Variants in ESCO2 observed in about 807,000 individuals in gnomAD.
ESCO2 encodes N-acetyltransferase ESCO2.
ESCO2 carries 51 observed loss-of-function variants against 61.7 expected under a neutral mutation model. The observed-to-expected ratio is 0.83, with a 90% CI of 0.66 to 1.04. The LOEUF is 1.04. Ranked by LOEUF, ESCO2 falls within the 50% of genes least tolerant of loss-of-function variation. The pLI, the probability that ESCO2 is intolerant of heterozygous loss-of-function variation, is 0.00. For missense variants in ESCO2, 692 were observed against 686.2 expected (o/e 1.01, Z -0.09); for synonymous variants, 230 against 238.2 (o/e 0.97, Z 0.32).
intron 10 of ESCO2, among the ~76,000 whole-genome samples, chr8:27,802,232 C>A (rs192055911): frequency 1.2e-4 from 18 of 150,856 alleles, no homozygotes; most frequent in Non-Finnish European, 2.1e-4. Context: ...TAAGCAAGAT[C>A]AAGGAGAGTT....
At chr8:27,791,811 C>A in intron 7 of ESCO2, 152 bp from the exon 8 acceptor site, 2 of 710,172 alleles carry the variant, frequency 2.8e-6, no homozygotes, top group Non-Finnish European at 4.8e-6. Context: ...TCTTTTATTT[C>A]TCTTCCCACA....
At position 27,776,459 on chromosome 8, in the gene ESCO2, C is replaced by G; in HGVS notation, c.151C>G (p.Gln51Glu). The change falls in exon 3 of 11, where the codon CAA becomes GAA. Residue 51 changes from glutamine (Q) to glutamate (E), a missense_variant. Physicochemically the swap from Gln to Glu is conservative, Grantham distance 29. Coordinates refer to ENST00000305188, the MANE Select transcript of ESCO2 (RefSeq NM_001017420.3). ...AAATGAAGAAAACCTGCATTGCTCT[C>G]AACAAGAGCATTTTGTTTTAAGTGC... ...DKNEENLHCS[Q>E]QEHFVLSALK... The G allele has an allele frequency of 1.2e-6, 2 of 1,611,404 alleles. No homozygotes were observed. Among genetic ancestry groups the G allele is most frequent in the South Asian group, 1.1e-5 (1 of 90,138 alleles).
the ESCO2 span, among the ~76,000 whole-genome samples, chr8:27,817,738 C>A: frequency 1.3e-5 from 2 of 152,022 alleles, no homozygotes; most frequent in Admixed American, 6.6e-5. Context: ...AAAGGTTTTT[C>A]TTATTTTAAA....
downstream of ESCO2, chr8:27,808,265 T>G: frequency 8.5e-7 from 1 of 1,170,030 alleles, no homozygotes; most frequent in Non-Finnish European, 1.1e-6. Flanking sequence ...TAGCTGCTGA[T>G]TATCTCCTTT....
At chr8:27,805,356 T>G (rs1805544735), downstream of ESCO2, 1 of 151,676 alleles carries the variant, frequency 6.6e-6, no homozygotes, top group Admixed American at 6.6e-5. Context: ...GTTTAGTGCT[T>G]ATTACTTTAG....
Position 27,804,363 on chromosome 8 carries a change from G to GAA in ESCO2, c.*926_*927insAA. 1 of 985,378 alleles carries GAA rather than the reference G, an allele frequency of 1.0e-6. No individual in the cohort carries two copies. The highest frequency in any genetic ancestry group is 1.7e-5 in the African/African-American group (1 of 57,344). 61.0% of individuals were successfully genotyped at this position (985,378 alleles called of 1,614,324 possible). On this transcript the variant is annotated 3_prime_UTR_variant, in exon 11 of 11. Transcript: ENST00000305188. ...ATTAACAAAATGCCTAGTTGGATTA[G>GAA]ATGTTTTCATTTTCTAATTTTTTGC... is the stretch of plus-strand genomic sequence containing the variant.
At chr8:27,778,717 A>G (rs1236241629) in intron 3 of ESCO2, 1 of 152,030 alleles carries the variant, frequency 6.6e-6, no homozygotes, top group Non-Finnish European at 1.5e-5. Context: ...TGTAACAGAG[A>G]ATTCTGTAAT....
chr8:27,812,487 A>C (rs1805707957), downstream of ESCO2: 1 of 152,178 alleles, frequency 6.6e-6, no homozygotes, highest in Non-Finnish European at 1.5e-5. Context: ...GATCTAATTA[A>C]AGAGCTTCTG....
At chr8:27,777,472 C>G (rs938686403) in intron 3 of ESCO2, 3 of 215,896 alleles carry the variant, frequency 1.4e-5, no homozygotes, top group East Asian at 1.4e-4. Flanking sequence ...CTAATTCTTG[C>G]ATTTTTTGTA....
chr8:27,785,268 A>G (rs1398147109), intron 5 of ESCO2, among the ~76,000 whole-genome samples: 1 of 152,180 alleles, frequency 6.6e-6, no homozygotes, highest in Non-Finnish European at 1.5e-5. Context: ...CATGAGCTAA[A>G]CACCTCTTAT....
intron 8 of ESCO2, 54 bp downstream of exon 8, chr8:27,792,106 C>A: frequency 6.3e-7 from 1 of 1,578,950 alleles, no homozygotes; most frequent in South Asian, 1.1e-5. Flanking sequence ...AAGAAATCAA[C>A]CTATGTTGAA....
At position 27,776,920 on chromosome 8, in the gene ESCO2, A is replaced by G. The variant is rs759703710; in HGVS notation, c.612A>G (p.Thr204=). 9.3e-6 allele frequency: 15 copies of G among 1,614,124 alleles called. No individual in the cohort carries two copies. The Admixed American group carries it at 2.5e-4, about 27-fold the overall frequency. The stretch of plus-strand genomic sequence containing the variant: ...GCCAAAAAATAAAACCACAAGTTAC[A>G]CTCCAGGGTGGAGCAGCATTTTTTG... ...VLSQKIKPQV[T]LQGGAAFFVR... The change falls in exon 3 of 11, where the codon ACA becomes ACG. Residue 204 remains threonine, a synonymous_variant. Coordinates refer to ENST00000305188, the MANE Select transcript of ESCO2 (RefSeq NM_001017420.3).
chr8:27,788,031 T>G, intron 6 of ESCO2, 29 bp downstream of exon 6: 1 of 1,523,280 alleles, frequency 6.6e-7, no homozygotes, highest in Non-Finnish European at 9.1e-7. Context: ...AAGCTTCTCC[T>G]ATCTAGCCCT....
chr8:27,797,228 T>C (rs1386698342), intron 9 of ESCO2, among the ~76,000 whole-genome samples: 1 of 152,224 alleles, frequency 6.6e-6, no homozygotes, highest in African/African-American at 2.4e-5. Context: ...ATTTCTCCTT[T>C]CAGAATCCTA....
chr8:27,803,646 C>G lies in ESCO2; in HGVS notation c.*208C>G, dbSNP rs1805504105. On this transcript the variant is annotated 3_prime_UTR_variant, in exon 11 of 11. Coordinates refer to ENST00000305188, the MANE Select transcript of ESCO2 (RefSeq NM_001017420.3). ...ATTTGTTGAAAATTATCTGGGGATT[C>G]AAAGGAAAAATCTTTGGGTGATTCC... is the stretch of plus-strand genomic sequence containing the variant. The G allele has an allele frequency of 7.4e-7, 1 of 1,347,830 alleles. No individual in the cohort carries two copies. The highest frequency in any genetic ancestry group is 3.0e-5 in the East Asian group (1 of 33,502). The allele number at this position is 1,347,830 out of a possible 1,614,324, so 83.5% of individuals were successfully genotyped here.
At chr8:27,777,506 C>G in intron 3 of ESCO2, 1 of 203,374 alleles carries the variant, frequency 4.9e-6, no homozygotes, top group Non-Finnish European at 9.9e-6. Context: ...CACCATGTTG[C>G]CCAGGCTGGT....
At chr8:27,811,595 A>C (rs1211669668), downstream of ESCO2, among the ~76,000 whole-genome samples, 1 of 152,218 alleles carries the variant, frequency 6.6e-6, no homozygotes, top group Non-Finnish European at 1.5e-5. Flanking sequence ...CCAATCACAC[A>C]TAGGCTCTTT....
Position 27,776,388 on chromosome 8 carries a change from T to C in ESCO2, c.80T>C (p.Phe27Ser). ...DSLLHFTENL[F>S]PSPNKKHCFY... ...CTTTTACACTTCACTGAAAATCTGTTTCCATCACCTAATAAAAAGCACTGT... is the reference window on the plus strand; with the variant it reads ...CTTTTACACTTCACTGAAAATCTGTCTCCATCACCTAATAAAAAGCACTGT... Residue 27 changes from phenylalanine to serine, a missense_variant, in exon 3 of 11, where the codon TTT becomes TCT. Transcript: ENST00000305188. 6.2e-7 allele frequency: 1 copy of C among 1,607,740 alleles called. No homozygotes were observed. Among genetic ancestry groups the C allele is most frequent in the Non-Finnish European group, 8.5e-7 (1 of 1,177,010 alleles).
intron 10 of ESCO2, among the ~76,000 whole-genome samples, chr8:27,803,095 TC>T (rs564431144): frequency 6.6e-6 from 1 of 152,278 alleles, no homozygotes; most frequent in African/African-American, 2.4e-5. Context: ...GGTGGATGGT[TC>T]CCTTTGCCTC....
Sources: gnomAD v4.1 joint callset for allele counts (sites outside exome capture counted in the v4.1 genomes callset) on GRCh38, gnomAD v4.1.1 for gene constraint, MANE v1.5 for transcripts, NCBI Gene and HGNC (gene_info 2026-07-23, HGNC 2026-07-21) for gene names.